SFMBT2: variants seen among roughly 807,000 people sequenced by gnomAD.
SFMBT2 encodes scm-like with four MBT domains protein 2.
Under a neutral mutation model 110.1 loss-of-function variants are expected in SFMBT2, and 38 were observed. The ratio of observed to expected loss-of-function variants is 0.35; its 90% CI spans 0.27 to 0.45. SFMBT2 has a LOEUF of 0.45. Ranked by LOEUF, SFMBT2 falls within the 20% of genes least tolerant of loss-of-function variation. The pLI is 1.00. For missense variants in SFMBT2, 1,011 were observed against 1,094.9 expected (o/e 0.92, Z 1.08); for synonymous variants, 425 against 425.4 (o/e 1.00, Z 0.01).
intron 1 of SFMBT2, among the ~76,000 whole-genome samples, chr10:7,383,186 C>T (rs117770989): frequency 6.6e-6 from 1 of 152,204 alleles, no homozygotes; most frequent in Admixed American, 6.5e-5. Context: ...AAAAAACATT[C>T]GGAGGTTTTG....
Position 7,367,797 on chromosome 10 carries a change from G to C in SFMBT2, c.288C>G (p.Ile96Met). ...GCAGCAGCTGCCCGCACGTGGTAAT[G>C]ATCGTGGCCACCCAGTACGTGTCCG... ...NNPDTYWVAT[I>M]ITTCGQLLLL... The change falls in exon 4 of 21, where the codon ATC becomes ATG. Residue 96 changes from isoleucine to methionine, a missense_variant. Around this residue, in one of 2 missense-constraint regions of SFMBT2, gnomAD observed 979 missense variants for 1,016.1 expected, o/e 0.96. Coordinates refer to ENST00000397167, the MANE Select transcript of SFMBT2 (RefSeq NM_001387889.1). The surrounding 1 kb of genome is among the most constrained non-coding windows in gnomAD (Gnocchi z 6.2). 6.2e-7 allele frequency: 1 copy of C among 1,614,212 alleles called. No homozygotes were observed. The highest frequency in any genetic ancestry group is 8.5e-7 in the Non-Finnish European group (1 of 1,180,034).
chr10:7,187,740 A>T (rs185818916), intron 16 of SFMBT2, among the ~76,000 whole-genome samples: 1 of 152,224 alleles, frequency 6.6e-6, no homozygotes. Context: ...AAATTATTTC[A>T]TATTTCTCAA....
chr10:7,235,338 C>A (rs10905126), intron 9 of SFMBT2, among the ~76,000 whole-genome samples: 39,330 of 151,938 alleles, frequency 0.26, 5,281 homozygotes, highest in South Asian at 0.38. Context: ...ACAACCACCA[C>A]TGAAATTAGT....
intron 2 of SFMBT2, among the ~76,000 whole-genome samples, chr10:7,378,694 G>A (rs903393942): frequency 2.0e-5 from 3 of 149,474 alleles, no homozygotes; most frequent in East Asian, 2.0e-4. Flanking sequence ...GTGGATGGTC[G>A]GGTGTGTGCA....
At chr10:7,355,999 C>T (rs189407592) in intron 4 of SFMBT2, among the ~76,000 whole-genome samples, 2 of 152,318 alleles carry the variant, frequency 1.3e-5, no homozygotes, top group East Asian at 3.9e-4. Context: ...ATCTCTTACT[C>T]TGACAGTGGC....
At chr10:7,269,630 T>A (rs1841508244) in intron 7 of SFMBT2, among the ~76,000 whole-genome samples, 1 of 151,298 alleles carries the variant, frequency 6.6e-6, no homozygotes, top group East Asian at 1.9e-4. Context: ...TTTACCGTAA[T>A]GAAAGAAACT....
chr10:7,228,484 G>T, intron 9 of SFMBT2: 2 of 409,784 alleles, frequency 4.9e-6, no homozygotes, highest in Non-Finnish European at 6.6e-6. Context: ...AGCTCCCAGA[G>T]AAATGAGGGA....
chr10:7,365,415 G>A (rs959938407), intron 4 of SFMBT2, among the ~76,000 whole-genome samples: 5 of 152,266 alleles, frequency 3.3e-5, no homozygotes, highest in African/African-American at 7.2e-5. Flanking sequence ...TAAATCACTC[G>A]ATTACTCAGT....
chr10:7,210,418 G>T (rs889832388), intron 11 of SFMBT2, among the ~76,000 whole-genome samples: 1 of 152,224 alleles, frequency 6.6e-6, no homozygotes, highest in Non-Finnish European at 1.5e-5. Flanking sequence ...AGCAGAGGCA[G>T]GAGGGACCCA....
At chr10:7,168,677 G>C (rs1365675358) in intron 20 of SFMBT2, among the ~76,000 whole-genome samples, 1 of 152,214 alleles carries the variant, frequency 6.6e-6, no homozygotes, top group African/African-American at 2.4e-5. Context: ...TGCTGTGCTG[G>C]GCAGCGCTTT....
At position 7,235,310 on chromosome 10, in the gene SFMBT2, G is replaced by A. The variant is rs541651974; in HGVS notation, c.1121-7373C>T. Among the ~76,000 whole-genome samples, 82 of 152,254 alleles carry A rather than the reference G, an allele frequency of 5.4e-4. 1 individual carries two copies. The South Asian group carries it at 0.016, about 30-fold the overall frequency. ...GAGATGACTTCAATCCAGGGCACAT[G>A]GAACTGCCACATAAATAACAACCAC... On this transcript the variant is annotated intron_variant, in intron 9 of 20. Coordinates refer to ENST00000397167, the MANE Select transcript of SFMBT2 (RefSeq NM_001387889.1).
chr10:7,200,500 A>G lies in SFMBT2; in HGVS notation c.1488-16T>C, dbSNP rs578055260. ...GGGCGGCAATCTGTCAACAGAGAAA[A>G]TAAAACTATCAGGGACCACAAGCTT... On this transcript the variant is annotated splice_polypyrimidine_tract_variant and intron_variant, in intron 13 of 20. Transcript: ENST00000397167. 2.7e-5 allele frequency: 43 copies of G among 1,591,492 alleles called. No homozygotes were observed. In the Admixed American group the frequency reaches 7.4e-4, roughly 28 times the overall value.
chr10:7,229,960 A>C (rs903827537), intron 9 of SFMBT2, among the ~76,000 whole-genome samples: 16 of 151,284 alleles, frequency 1.1e-4, no homozygotes, highest in African/African-American at 3.9e-4. Context: ...CTTATGATCC[A>C]CCCACCTCAG....
intron 7 of SFMBT2, among the ~76,000 whole-genome samples, chr10:7,262,701 C>A (rs1841245407): frequency 6.6e-6 from 1 of 152,246 alleles, no homozygotes. Context: ...AGTGATCAAG[C>A]AGCTGCGATG....
intron 11 of SFMBT2, among the ~76,000 whole-genome samples, chr10:7,207,369 AAAGG>A: frequency 6.6e-6 from 1 of 151,052 alleles, no homozygotes; most frequent in Non-Finnish European, 1.5e-5. Flanking sequence ...AGAAAGGAAG[AAAGG>A]AAGGAAGGAA....
intron 4 of SFMBT2, among the ~76,000 whole-genome samples, chr10:7,306,010 C>T (rs1252094049): frequency 6.6e-6 from 1 of 152,268 alleles, no homozygotes; most frequent in East Asian, 1.9e-4. Flanking sequence ...ATTTACTAAA[C>T]TCTAAGTATT....
chr10:7,313,556 G>A (rs1842910384), intron 4 of SFMBT2, among the ~76,000 whole-genome samples: 1 of 152,222 alleles, frequency 6.6e-6, no homozygotes, highest in African/African-American at 2.4e-5. Context: ...GGGTTCAAGT[G>A]ATCTGGCCTT....
At chr10:7,192,337 T>C (rs1019036641) in intron 15 of SFMBT2, among the ~76,000 whole-genome samples, 23 of 152,188 alleles carry the variant, frequency 1.5e-4, no homozygotes, top group African/African-American at 5.5e-4. Flanking sequence ...AGATCGTCAT[T>C]CCTACTCCCT....
intron 4 of SFMBT2, among the ~76,000 whole-genome samples, chr10:7,316,101 T>C (rs1334321577): frequency 6.6e-6 from 1 of 152,184 alleles, no homozygotes; most frequent in African/African-American, 2.4e-5. Context: ...ATGGTGAACC[T>C]TGAAGAGCCA....
Sources: allele counts gnomAD v4.1 joint callset (sites outside exome capture counted in the v4.1 genomes callset), GRCh38; gene constraint gnomAD v4.1.1; regional missense constraint gnomAD v4.1.1; non-coding constraint Gnocchi (gnomAD v3.1); transcripts MANE v1.5; gene names NCBI Gene and HGNC (gene_info 2026-07-23, HGNC 2026-07-21).